GNA12: variants seen among roughly 807,000 people sequenced by gnomAD.
GNA12 encodes guanine nucleotide-binding protein subunit alpha-12.
A neutral mutation model predicts 26.0 loss-of-function variants in GNA12; 9 were observed. That is an observed-to-expected ratio of 0.35 (90% CI 0.21 to 0.60). The LOEUF is 0.60. GNA12 is among the 20% of genes least tolerant of loss of function. GNA12 has a pLI of 0.78. For synonymous variants in GNA12, 264 were observed against 219.6 expected, an observed-to-expected ratio of 1.20 and a Z score of -1.79; for missense variants, 405 against 525.8, an observed-to-expected ratio of 0.77 and a Z score of 2.25.
intron 1 of GNA12, among the ~76,000 whole-genome samples, chr7:2,800,144 C>T (rs1792773060): frequency 6.6e-6 from 1 of 152,162 alleles, no homozygotes; most frequent in African/African-American, 2.4e-5. Context: ...TGGACCATTA[C>T]CCAGCAACAA....
intron 2 of GNA12, among the ~76,000 whole-genome samples, chr7:2,793,354 AG>A (rs1052503634): frequency 4.7e-5 from 7 of 149,212 alleles, no homozygotes; most frequent in Admixed American, 1.3e-4. Flanking sequence ...AGCGGACAGG[AG>A]CGCAAGAGGA....
intron 1 of GNA12, among the ~76,000 whole-genome samples, chr7:2,811,293 G>A (rs1006785961): frequency 2.6e-5 from 4 of 152,136 alleles, no homozygotes; most frequent in African/African-American, 9.7e-5. Flanking sequence ...CCGCTCCACC[G>A]ATGCCCAGAG....
intron 2 of GNA12, among the ~76,000 whole-genome samples, chr7:2,788,163 AC>A (rs1792413922): frequency 1.3e-5 from 2 of 151,620 alleles, no homozygotes; most frequent in African/African-American, 4.8e-5. Context: ...AAAAAAAAAA[AC>A]AAATGCCAGC....
At chr7:2,790,989 A>G (rs1191372127) in intron 2 of GNA12, among the ~76,000 whole-genome samples, 1 of 152,000 alleles carries the variant, frequency 6.6e-6, no homozygotes, top group African/African-American at 2.4e-5. Flanking sequence ...AAAAAAAAAA[A>G]AGGTAAAGAA....
At chr7:2,803,352 G>C (rs956544300) in intron 1 of GNA12, among the ~76,000 whole-genome samples, 1 of 152,222 alleles carries the variant, frequency 6.6e-6, no homozygotes, top group Non-Finnish European at 1.5e-5. Context: ...TTTGGAAAAG[G>C]AGAATGGCAA....
At chr7:2,789,427 G>A (rs562611879) in intron 2 of GNA12, among the ~76,000 whole-genome samples, 4 of 151,630 alleles carry the variant, frequency 2.6e-5, no homozygotes, top group South Asian at 2.1e-4. Flanking sequence ...GAGCCACCGC[G>A]CCCGGCCCCT....
chr7:2,763,009 G>A, intron 2 of GNA12: 1 of 1,276,686 alleles, frequency 7.8e-7, no homozygotes, highest in East Asian at 3.1e-5. Context: ...GTCGCCAACA[G>A]CCCCGCCGGC....
At chr7:2,828,298 A>G (rs1040299011) in intron 1 of GNA12, among the ~76,000 whole-genome samples, 3 of 152,246 alleles carry the variant, frequency 2.0e-5, no homozygotes, top group Non-Finnish European at 2.9e-5. Flanking sequence ...TTTGTACTAT[A>G]AAATAACTAT....
chr7:2,803,199 T>A (rs1029335395), intron 1 of GNA12, among the ~76,000 whole-genome samples: 2 of 152,290 alleles, frequency 1.3e-5, no homozygotes, highest in Middle Eastern at 3.4e-3. Flanking sequence ...CAGTCTCAGA[T>A]GCAGAGTACA....
intron 1 of GNA12, among the ~76,000 whole-genome samples, chr7:2,796,076 G>T (rs950527644): frequency 6.6e-6 from 1 of 151,900 alleles, no homozygotes; most frequent in Non-Finnish European, 1.5e-5. Flanking sequence ...ATGTTGTCCA[G>T]CCTGGTCTCG....
Position 2,733,440 on chromosome 7 carries a change from T to TGC in GNA12, c.576+9_576+10dup. On this transcript the variant is annotated intron_variant, in intron 3 of 3. Transcript: ENST00000275364. Reference sequence around the variant, plus strand: ...GGAGCCCAGCTTCTTCGGGCGGGCGTGCTTACTCACCAGCTGGCCGATCCG... The same window carrying TGC: ...GGAGCCCAGCTTCTTCGGGCGGGCGTGCGCTTACTCACCAGCTGGCCGATCCG... 6.2e-7 allele frequency: 1 copy of TGC among 1,612,866 alleles called. No homozygotes were observed. Among genetic ancestry groups the TGC allele is most frequent in the Non-Finnish European group, 8.5e-7 (1 of 1,179,146 alleles).
At chr7:2,755,161 C>A (rs1034640279) in intron 2 of GNA12, among the ~76,000 whole-genome samples, 4 of 152,198 alleles carry the variant, frequency 2.6e-5, no homozygotes, top group African/African-American at 7.2e-5. Flanking sequence ...CAGGCCTGAC[C>A]ACTGCAGGGA....
intron 2 of GNA12, among the ~76,000 whole-genome samples, chr7:2,738,457 G>A (rs568166156): frequency 2.0e-5 from 3 of 152,266 alleles, no homozygotes; most frequent in African/African-American, 7.2e-5. Flanking sequence ...GCTGGAAGGA[G>A]GTTTCCGATA....
chr7:2,749,211 CGT>C (rs1443050838), intron 2 of GNA12, among the ~76,000 whole-genome samples: 35 of 152,256 alleles, frequency 2.3e-4, no homozygotes, highest in Non-Finnish European at 1.6e-4. Flanking sequence ...CACATGCACA[CGT>C]GTGTTTATTG....
chr7:2,836,607 T>A (rs1195627615), intron 1 of GNA12, among the ~76,000 whole-genome samples: 1 of 152,170 alleles, frequency 6.6e-6, no homozygotes, highest in Non-Finnish European at 1.5e-5. Context: ...CAGACCTTTT[T>A]GGCAATGCCC....
In GNA12 at chr7:2,731,366, G is replaced by C; in HGVS notation, c.961C>G (p.Pro321Ala). The change falls in exon 4 of 4, where the codon CCG (proline) becomes GCG (alanine). Residue 321 changes from proline (P) to alanine (A), a missense_variant. Coordinates refer to ENST00000275364, the MANE Select transcript of GNA12 (RefSeq NM_007353.3). This position sits in a 1 kb window ranked among gnomAD's most constrained non-coding sequence, Gnocchi z 6.0. The part of the protein sequence containing the change: ...KKHFPDFRGD[P>A]HRLEDVQRYL... Reference sequence around the variant, plus strand: ...CGCTGGACGTCCTCCAGCCTGTGCGGGTCGCCCCTGAAGTCCGGGAAGTGC... The same window carrying C: ...CGCTGGACGTCCTCCAGCCTGTGCGCGTCGCCCCTGAAGTCCGGGAAGTGC... The C allele has an allele frequency of 6.2e-7, 1 of 1,613,934 alleles. No individual in the cohort carries two copies. The highest frequency in any genetic ancestry group is 8.5e-7 in the Non-Finnish European group (1 of 1,179,918).
chr7:2,750,108 C>T (rs898019529), intron 2 of GNA12, among the ~76,000 whole-genome samples: 1 of 152,182 alleles, frequency 6.6e-6, no homozygotes, highest in Non-Finnish European at 1.5e-5. Flanking sequence ...ATACCACACA[C>T]TTCTGAATAA....
intron 2 of GNA12, 120 bp downstream of exon 2, chr7:2,794,808 C>A (rs78999582): frequency 0.016 from 11,774 of 728,784 alleles, 291 homozygotes; most frequent in Admixed American, 0.093. Context: ...TTACAACTTA[C>A]GGTGATTTAG....
intron 1 of GNA12, among the ~76,000 whole-genome samples, chr7:2,832,068 T>C (rs1363912022): frequency 6.6e-6 from 1 of 152,184 alleles, no homozygotes; most frequent in African/African-American, 2.4e-5. Context: ...CAAACTGTTT[T>C]GTCACAAATT....
Sources: allele counts gnomAD v4.1 joint callset (sites outside exome capture counted in the v4.1 genomes callset), GRCh38; gene constraint gnomAD v4.1.1; non-coding constraint Gnocchi (gnomAD v3.1); transcripts MANE v1.5; gene names NCBI Gene and HGNC (gene_info 2026-07-23, HGNC 2026-07-21).